Variants in CXXC5 observed in about 807,000 individuals in gnomAD.
The protein encoded by CXXC5 is CXXC finger protein 5.
A neutral mutation model predicts 17.6 loss-of-function variants in CXXC5; 2 were observed. That is an observed-to-expected ratio of 0.11 (90% CI 0.05 to 0.36). The LOEUF (loss-of-function observed/expected upper bound fraction) is 0.36. Ranked by LOEUF, CXXC5 falls within the 10% of genes least tolerant of loss-of-function variation. The pLI, the probability that CXXC5 is intolerant of heterozygous loss-of-function variation, is 1.00. For missense variants in CXXC5, 343 were observed against 458.3 expected, an observed-to-expected ratio of 0.75 and a Z score of 2.30; for synonymous variants, 171 against 193.0, an observed-to-expected ratio of 0.89 and a Z score of 0.94.
chr5:139,655,260 G>C (rs1448703511), intron 1 of CXXC5, among the ~76,000 whole-genome samples: 1 of 152,146 alleles, frequency 6.6e-6, no homozygotes, highest in East Asian at 1.9e-4. Context: ...AGGTGGTGGA[G>C]AGACAGGCCA....
At chr5:139,666,974 C>CT (rs1254107306) in intron 1 of CXXC5, among the ~76,000 whole-genome samples, 1 of 152,220 alleles carries the variant, frequency 6.6e-6, no homozygotes, top group African/African-American at 2.4e-5. Context: ...CATTTACCCT[C>CT]TGACTTGTTT....
rs114905952 is a variant in CXXC5, at chr5:139,663,020, A to C, written c.-161+14175A>C. 2.8e-3 allele frequency among the ~76,000 whole-genome samples: 432 copies of C among 152,236 alleles called. 3 individuals are homozygous for C. Among genetic ancestry groups the C allele is most frequent in the African/African-American group, 8.8e-3 (364 of 41,528 alleles). On this transcript the variant is annotated intron_variant, in intron 1 of 2. Coordinates refer to ENST00000302517, the MANE Select transcript of CXXC5 (RefSeq NM_016463.9). This position sits in a 1 kb window ranked among gnomAD's most constrained non-coding sequence, Gnocchi z 4.2. ...TTTTCTGGGGGTGGCATCCCACAAC[A>C]AGGGCTCCTTAATTAGAATGTCTTG...
chr5:139,671,615 C>A (rs968592752), intron 1 of CXXC5, among the ~76,000 whole-genome samples: 1 of 152,232 alleles, frequency 6.6e-6, no homozygotes, highest in African/African-American at 2.4e-5. Flanking sequence ...GTTCTGCTTC[C>A]TGCGGAGGCT....
chr5:139,667,212 G>A (rs1285647872), intron 1 of CXXC5, among the ~76,000 whole-genome samples: 1 of 152,204 alleles, frequency 6.6e-6, no homozygotes, highest in African/African-American at 2.4e-5. Context: ...AGCATCCTGT[G>A]TAGGCTGGTT....
At chr5:139,666,706 T>C (rs1001441388) in intron 1 of CXXC5, among the ~76,000 whole-genome samples, 1 of 152,202 alleles carries the variant, frequency 6.6e-6, no homozygotes, top group East Asian at 1.9e-4. Context: ...ACAGATGCCA[T>C]TCAGAGAGCT....
chr5:139,662,862 G>A (rs1254556893), intron 1 of CXXC5, among the ~76,000 whole-genome samples: 1 of 152,204 alleles, frequency 6.6e-6, no homozygotes, highest in East Asian at 1.9e-4. Context: ...TGTGAGATCG[G>A]TATGACTCTC....
chr5:139,657,091 CTG>C (rs1755533657), intron 1 of CXXC5, among the ~76,000 whole-genome samples: 1 of 152,258 alleles, frequency 6.6e-6, no homozygotes, highest in East Asian at 1.9e-4. Flanking sequence ...AAAGTCCTCT[CTG>C]TGGCAGGCAC....
rs530166535 is a variant in CXXC5 at position 139,671,312 on chromosome 5, G to T, written c.-160-9052G>T. Among the ~76,000 whole-genome samples, 4 of 152,324 alleles carry T rather than the reference G, an allele frequency of 2.6e-5. No individual in the cohort carries two copies. The South Asian group carries it at 6.2e-4, about 24-fold the overall frequency. Reference sequence around the variant, plus strand: ...CCTCCCACCTCCAGCCCCTGATTTGGGTGTGTAAATGTTGGAGGAATGGGG... The same window carrying T: ...CCTCCCACCTCCAGCCCCTGATTTGTGTGTGTAAATGTTGGAGGAATGGGG... On this transcript the variant is annotated intron_variant, in intron 1 of 2. Coordinates refer to ENST00000302517, the MANE Select transcript of CXXC5 (RefSeq NM_016463.9).
At chr5:139,678,028 CAG>C (rs992536829) in intron 1 of CXXC5, among the ~76,000 whole-genome samples, 202 of 152,378 alleles carry the variant, frequency 1.3e-3, no homozygotes, top group African/African-American at 4.6e-3. Flanking sequence ...GGGACGCACA[CAG>C]GGGCTGGGGC....
At chr5:139,682,230 G>A (rs987376964) in intron 2 of CXXC5, among the ~76,000 whole-genome samples, 3 of 152,134 alleles carry the variant, frequency 2.0e-5, no homozygotes, top group Admixed American at 6.5e-5. Flanking sequence ...CCTTGTCCCC[G>A]CCCCTCTATG....
Position 139,683,842 on chromosome 5 carries a change from G to C in CXXC5, c.*935G>C, listed in dbSNP as rs917860621. ...TGTTTGTATTGTTTTAGGAAACCAG[G>C]CTGTTTTGTGAATAAAACGAATGCA... On this transcript the variant is annotated 3_prime_UTR_variant, in exon 3 of 3. Coordinates refer to ENST00000302517, the MANE Select transcript of CXXC5 (RefSeq NM_016463.9). 2 of 152,498 alleles carry C rather than the reference G, an allele frequency of 1.3e-5. No individual in the cohort carries two copies. The highest frequency in any genetic ancestry group is 4.8e-5 in the African/African-American group (2 of 41,446). 9.4% of individuals were successfully genotyped at this position (152,498 alleles called of 1,614,324 possible).
intron 1 of CXXC5, among the ~76,000 whole-genome samples, chr5:139,657,809 G>A (rs756727085): frequency 1.3e-5 from 2 of 152,178 alleles, no homozygotes; most frequent in Non-Finnish European, 2.9e-5. Context: ...AGTGGGTGGT[G>A]AAGACAGGAA....
At chr5:139,680,004 A>C in intron 1 of CXXC5, 1 of 157,496 alleles carries the variant, frequency 6.3e-6, no homozygotes, top group Non-Finnish European at 1.4e-5. Context: ...CACAAGAAGG[A>C]CTGCCTGCTT....
In CXXC5 at chr5:139,668,481, C is replaced by T. The variant is rs1255586936; in HGVS notation, c.-160-11883C>T. On this transcript the variant is annotated intron_variant, in intron 1 of 2. Transcript: ENST00000302517. The surrounding 1 kb of genome is among the most constrained non-coding windows in gnomAD (Gnocchi z 4.1). Reference sequence around the variant, plus strand: ...GCTACCTCCCGCGCCGCCCACTGCCCGCTCCAGGCCCGCTGCCCGCTCCAG... The same window carrying T: ...GCTACCTCCCGCGCCGCCCACTGCCTGCTCCAGGCCCGCTGCCCGCTCCAG... 6.6e-6 allele frequency among the ~76,000 whole-genome samples: 1 copy of T among 151,346 alleles called. No individual in the cohort carries two copies. Among genetic ancestry groups the T allele is most frequent in the Non-Finnish European group, 1.5e-5 (1 of 67,660 alleles).
At chr5:139,654,189 T>C (rs1183798374) in intron 1 of CXXC5, among the ~76,000 whole-genome samples, 1 of 118,740 alleles carries the variant, frequency 8.4e-6, no homozygotes, top group African/African-American at 2.6e-5. Context: ...TGTGACCTTG[T>C]TTTTGACCTT....
intron 1 of CXXC5, chr5:139,659,579 G>A (rs1485237585): frequency 6.6e-6 from 1 of 152,434 alleles, no homozygotes; most frequent in African/African-American, 2.4e-5. Flanking sequence ...GGGCCTTGTG[G>A]TGCCCTCCAC....
At chr5:139,650,429 G>A (rs918414396) in intron 1 of CXXC5, among the ~76,000 whole-genome samples, 7 of 152,372 alleles carry the variant, frequency 4.6e-5, no homozygotes, top group African/African-American at 1.7e-4. Context: ...TTCTTTGGAA[G>A]CGTTGGGGAG....
In CXXC5 at chr5:139,668,724, T is replaced by G. The variant is rs1756274117; in HGVS notation, c.-160-11640T>G. Among the ~76,000 whole-genome samples, 1 of 152,100 alleles carries G rather than the reference T, an allele frequency of 6.6e-6. No homozygotes were observed. On this transcript the variant is annotated intron_variant, in intron 1 of 2. Transcript: ENST00000302517. This position sits in a 1 kb window ranked among gnomAD's most constrained non-coding sequence, Gnocchi z 4.1. ...GCTCTCTTCAGTCTCGGGAGAGATA[T>G]GCTTATCCCAGGCGGAGCGGAGAAG...
rs1365205485 is a variant in CXXC5 at position 139,683,031 on chromosome 5, A to ATTTC, written c.*125_*128dup. Reference sequence around the variant, plus strand: ...TAGAACCAAAAATATTCTCTCACAGATTTCATTCCTGTTTTTATATATATA... The same window carrying ATTTC: ...TAGAACCAAAAATATTCTCTCACAGATTTCTTTCATTCCTGTTTTTATATATATA... On this transcript the variant is annotated 3_prime_UTR_variant, in exon 3 of 3. Coordinates refer to ENST00000302517, the MANE Select transcript of CXXC5 (RefSeq NM_016463.9). The ATTTC allele has an allele frequency of 2.8e-6, 2 of 709,798 alleles. No individual in the cohort carries two copies. The highest frequency in any genetic ancestry group is 4.1e-6 in the Non-Finnish European group (2 of 485,132). The allele number at this position is 709,798 out of a possible 1,614,324, so 44.0% of individuals were successfully genotyped here.
Sources: allele counts gnomAD v4.1 joint callset (sites outside exome capture counted in the v4.1 genomes callset), GRCh38; gene constraint gnomAD v4.1.1; non-coding constraint Gnocchi (gnomAD v3.1); transcripts MANE v1.5; gene names NCBI Gene and HGNC (gene_info 2026-07-23, HGNC 2026-07-21).